NPY1R: variants seen among roughly 807,000 people sequenced by gnomAD.
NPY1R encodes the protein neuropeptide Y receptor type 1.
NPY1R carries 10 observed loss-of-function variants against 24.1 expected under a neutral mutation model. That is an observed-to-expected ratio of 0.42 (90% CI 0.26 to 0.71). The LOEUF (loss-of-function observed/expected upper bound fraction) is 0.71, where lower values mean the gene tolerates loss of function less well. Among genes scored for constraint, NPY1R ranks in the 30% least tolerant of loss-of-function variants. The probability of loss-of-function intolerance (pLI) is 0.28; values close to 1 mark genes in which losing one functional copy is unlikely to be tolerated. For synonymous variants in NPY1R, 168 were observed against 165.9 expected, an observed-to-expected ratio of 1.01 and a Z score of -0.10; for missense variants, 350 against 458.0, an observed-to-expected ratio of 0.76 and a Z score of 2.15.
At position 163,324,187 on chromosome 4, in the gene NPY1R, C is replaced by T. The variant is rs797003662; in HGVS notation, c.*1116G>A. 18 of 152,652 alleles carry T rather than the reference C, an allele frequency of 1.2e-4. No homozygotes were observed. Among genetic ancestry groups the T allele is most frequent in the African/African-American group, 4.1e-4 (17 of 41,526 alleles). The allele number at this position is 152,652 out of a possible 1,614,324, so 9.5% of individuals were successfully genotyped here. A position where few individuals can be genotyped will look rare whatever the true frequency, so the allele number is the denominator to read the frequency against. On this transcript the variant is annotated 3_prime_UTR_variant, in exon 3 of 3. Transcript: ENST00000296533. ...TCTTTACAGTGCATTATTTATAAGACGCCACAAGTCACACAGTTTATACAA... is the reference window on the plus strand; with the variant it reads ...TCTTTACAGTGCATTATTTATAAGATGCCACAAGTCACACAGTTTATACAA...
chr4:163,331,646 C>T (rs568675435), intron 1 of NPY1R, among the ~76,000 whole-genome samples: 1 of 152,268 alleles, frequency 6.6e-6, no homozygotes, highest in South Asian at 2.1e-4. Context: ...CAACATCAGA[C>T]CTTAAAACAT....
Position 163,325,846 on chromosome 4 carries a change from GT to G in NPY1R, c.699+9del. On this transcript the variant is annotated intron_variant, in intron 2 of 2. Coordinates refer to ENST00000296533, the MANE Select transcript of NPY1R (RefSeq NM_000909.6). ...TAAAAATGGAAATGATAGAAAAAAAGTTTTCTTACCTTGAAGTAGCAAATAA... is the reference window on the plus strand; with the variant it reads ...TAAAAATGGAAATGATAGAAAAAAAGTTTCTTACCTTGAAGTAGCAAATAA... 6.2e-7 allele frequency: 1 copy of G among 1,606,668 alleles called. No individual in the cohort carries two copies. The highest frequency in any genetic ancestry group is 1.1e-5 in the South Asian group (1 of 90,144).
At chr4:163,335,563 T>A (rs952230861), upstream of NPY1R, among the ~76,000 whole-genome samples, 1 of 152,164 alleles carries the variant, frequency 6.6e-6, no homozygotes, top group African/African-American at 2.4e-5. Context: ...TAAATTACCA[T>A]GAATTGTCAC....
chr4:163,326,471 A>C lies in NPY1R; in HGVS notation c.84T>G (p.Phe28Leu), dbSNP rs898301322. Reference protein sequence around the residue: ...FSEKNAQLLAFENDDCHLPLA... With the variant: ...FSEKNAQLLALENDDCHLPLA... Reference sequence around the variant, plus strand: ...AGGGCAGATGACAATCATCATTTTCAAAAGCCAGAAGCTGGGCATTCTTCT... The same window carrying C: ...AGGGCAGATGACAATCATCATTTTCCAAAGCCAGAAGCTGGGCATTCTTCT... Residue 28 changes from phenylalanine to leucine, a missense_variant, in exon 2 of 3, where the codon TTT (phenylalanine) becomes TTG (leucine). Transcript: ENST00000296533. 5.0e-6 allele frequency: 8 copies of C among 1,613,854 alleles called. No individual in the cohort carries two copies. The highest frequency in any genetic ancestry group is 6.8e-6 in the Non-Finnish European group (8 of 1,179,764).
In NPY1R at chr4:163,325,958, A is replaced by T; in HGVS notation, c.597T>A (p.Phe199Leu). ...TATGAGAGTCCGATGGAAATTGATCAAAGCACACGTATTTGTCTTTGTACG... is the reference window on the plus strand; with the variant it reads ...TATGAGAGTCCGATGGAAATTGATCTAAGCACACGTATTTGTCTTTGTACG... ...LDAYKDKYVC[F>L]DQFPSDSHRL... The change falls in exon 2 of 3, where the codon TTT (phenylalanine) becomes TTA (leucine). Residue 199 changes from phenylalanine to leucine, a missense_variant. Phe to Leu is a conservative substitution (Grantham distance 22, BLOSUM62 0). Coordinates refer to ENST00000296533, the MANE Select transcript of NPY1R (RefSeq NM_000909.6). 1 of 1,614,140 alleles carries T rather than the reference A, an allele frequency of 6.2e-7. No homozygotes were observed. The highest frequency in any genetic ancestry group is 8.5e-7 in the Non-Finnish European group (1 of 1,179,970).
upstream of NPY1R, among the ~76,000 whole-genome samples, chr4:163,334,074 A>G (rs1578937582): frequency 6.6e-6 from 1 of 152,048 alleles, no homozygotes; most frequent in South Asian, 2.1e-4. Context: ...AGGAATTTCA[A>G]CTCTTTCAGG....
At chr4:163,344,082 G>T (rs1025430081) in intron 1 of NPY1R, 2 of 152,414 alleles carry the variant, frequency 1.3e-5, no homozygotes. Context: ...TCCCCGCGCG[G>T]GCTGCGAGTC....
At chr4:163,332,262 C>T (rs547067678) in intron 1 of NPY1R, among the ~76,000 whole-genome samples, 1 of 152,208 alleles carries the variant, frequency 6.6e-6, no homozygotes, top group East Asian at 1.9e-4. Context: ...CGTAGGGTAC[C>T]CTCTCCTTTC....
intron 1 of NPY1R, among the ~76,000 whole-genome samples, chr4:163,338,990 C>T (rs1351223663): frequency 1.3e-5 from 2 of 152,200 alleles, no homozygotes; most frequent in African/African-American, 2.4e-5. Flanking sequence ...TCTTTCACCT[C>T]TATCAAGCTC....
intron 1 of NPY1R, among the ~76,000 whole-genome samples, chr4:163,338,152 C>G (rs1037579220): frequency 2.0e-5 from 2 of 100,314 alleles, no homozygotes; most frequent in African/African-American, 6.6e-5. Context: ...CCCTAGGATC[C>G]TGTTATGTAG....
chr4:163,327,030 A>G (rs999988863), intron 1 of NPY1R, among the ~76,000 whole-genome samples: 1 of 152,248 alleles, frequency 6.6e-6, no homozygotes, highest in African/African-American at 2.4e-5. Flanking sequence ...ATGAATGTAT[A>G]AAAACCACTT....
In NPY1R at chr4:163,326,378, C is replaced by T. The variant is rs753256308; in HGVS notation, c.177G>A (p.Leu59=). 9 of 1,613,880 alleles carry T rather than the reference C, an allele frequency of 5.6e-6. No homozygotes were observed. In the Admixed American group the frequency reaches 1.3e-4, roughly 24 times the overall value. Reference sequence around the variant, plus strand: ...GTTTCAAGATGATTATGATCAAGGCCAGGTTTCCAGAGACACCAAGAATGA... The same window carrying T: ...GTTTCAAGATGATTATGATCAAGGCTAGGTTTCCAGAGACACCAAGAATGA... The part of the protein sequence containing the change: ...AVIILGVSGN[L]ALIIIILKQK... Residue 59 remains leucine (L), a synonymous_variant, in exon 2 of 3, where the codon CTG becomes CTA. Coordinates refer to ENST00000296533, the MANE Select transcript of NPY1R (RefSeq NM_000909.6).
chr4:163,336,183 G>A (rs1026697467), upstream of NPY1R, among the ~76,000 whole-genome samples: 3 of 151,996 alleles, frequency 2.0e-5, no homozygotes, highest in African/African-American at 4.8e-5. Flanking sequence ...TGCATATTTC[G>A]GGGCATTTTT....
chr4:163,334,719 G>C (rs1353228403), upstream of NPY1R, among the ~76,000 whole-genome samples: 2 of 152,010 alleles, frequency 1.3e-5, no homozygotes, highest in Non-Finnish European at 2.9e-5. Context: ...AATTAGCCAG[G>C]TGTGGTGGTG....
intron 1 of NPY1R, among the ~76,000 whole-genome samples, chr4:163,328,355 A>G (rs1734655217): frequency 6.6e-6 from 1 of 152,246 alleles, no homozygotes; most frequent in East Asian, 1.9e-4. Flanking sequence ...TTTGAAAACA[A>G]TCTCAAAAGA....
At chr4:163,343,008 A>T in intron 1 of NPY1R, among the ~76,000 whole-genome samples, 1 of 77,122 alleles carries the variant, frequency 1.3e-5, no homozygotes, top group African/African-American at 3.5e-5. Flanking sequence ...ACACACACAC[A>T]CACACACACA....
At chr4:163,337,941 C>T (rs1343598967), upstream of NPY1R, among the ~76,000 whole-genome samples, 10 of 152,174 alleles carry the variant, frequency 6.6e-5, no homozygotes, top group Non-Finnish European at 1.5e-4. Flanking sequence ...CACTAATGAT[C>T]AAAGCCAATG....
At position 163,325,566 on chromosome 4, in the gene NPY1R, G is replaced by A; in HGVS notation, c.892C>T (p.His298Tyr). 2 of 1,614,022 alleles carry A rather than the reference G, an allele frequency of 1.2e-6. No homozygotes were observed. The highest frequency in any genetic ancestry group is 1.7e-6 in the Non-Finnish European group (2 of 1,179,974). The change falls in exon 3 of 3, where the codon CAC (histidine) becomes TAC (tyrosine). Residue 298 changes from histidine (H) to tyrosine (Y), a missense_variant. Physicochemically the swap from His to Tyr is moderately conservative, Grantham distance 83 (BLOSUM62 2). Transcript: ENST00000296533. ...TGGCAGAGCAGGAATAACAGATTGTGGTTGCAGGTAGCAATGATCTGATGA... is the reference window on the plus strand; with the variant it reads ...TGGCAGAGCAGGAATAACAGATTGTAGTTGCAGGTAGCAATGATCTGATGA... ...WNHQIIATCN[H>Y]NLLFLLCHLT...
chr4:163,326,644 C>T lies in NPY1R; in HGVS notation c.-90G>A. ...TCAACTGTTCAGCTTATTCTTATTCCCCATATTGGAATCCATTTACCAAAA... is the reference window on the plus strand; with the variant it reads ...TCAACTGTTCAGCTTATTCTTATTCTCCATATTGGAATCCATTTACCAAAA... On this transcript the variant is annotated 5_prime_UTR_variant, in exon 2 of 3. Transcript: ENST00000296533. 1 of 767,638 alleles carries T rather than the reference C, an allele frequency of 1.3e-6. No homozygotes were observed. Among genetic ancestry groups the T allele is most frequent in the South Asian group, 1.8e-5 (1 of 54,158 alleles). The allele number at this position is 767,638 out of a possible 1,614,324, so 47.6% of individuals were successfully genotyped here.
Sources: allele counts gnomAD v4.1 joint callset (sites outside exome capture counted in the v4.1 genomes callset), GRCh38; gene constraint gnomAD v4.1.1; transcripts MANE v1.5; gene names NCBI Gene and HGNC (gene_info 2026-07-23, HGNC 2026-07-21).